Variants in AFF3 observed in about 807,000 individuals in gnomAD.
AFF3 encodes the protein ALF transcription elongation factor 3.
AFF3 carries 32 observed loss-of-function variants against 129.7 expected under a neutral mutation model. The observed-to-expected ratio is 0.25, with a 90% CI of 0.19 to 0.33. The LOEUF (loss-of-function observed/expected upper bound fraction) is 0.33. AFF3 is among the 10% of genes least tolerant of loss of function. The pLI is 1.00. For synonymous variants in AFF3, 644 were observed against 635.4 expected (o/e 1.01, Z -0.20); for missense variants, 1,373 against 1,592.0 (o/e 0.86, Z 2.34).
At chr2:99,867,010 A>G (rs1158522914) in intron 7 of AFF3, among the ~76,000 whole-genome samples, 1 of 146,586 alleles carries the variant, frequency 6.8e-6, no homozygotes, top group Non-Finnish European at 1.5e-5. Context: ...TAAAAAATAA[A>G]TAAAATAAAA....
At chr2:99,610,463 C>T (rs993113643) in intron 13 of AFF3, among the ~76,000 whole-genome samples, 16 of 152,162 alleles carry the variant, frequency 1.1e-4, no homozygotes, top group South Asian at 2.1e-4. Flanking sequence ...TTTTTTCAGT[C>T]GACACAATGT....
intron 1 of AFF3, among the ~76,000 whole-genome samples, chr2:100,130,501 T>G (rs201829119): frequency 6.6e-6 from 1 of 152,342 alleles, no homozygotes; most frequent in South Asian, 2.1e-4. Context: ...AAGAGAAGTG[T>G]GGGCTGGATT....
chr2:99,756,996 G>A (rs891274748), intron 8 of AFF3, among the ~76,000 whole-genome samples: 1 of 152,180 alleles, frequency 6.6e-6, no homozygotes, highest in Admixed American at 6.5e-5. Flanking sequence ...TTCCTTGAAT[G>A]CTCATTTCCC....
intron 13 of AFF3, among the ~76,000 whole-genome samples, chr2:99,603,105 C>A (rs990727233): frequency 3.9e-5 from 6 of 152,214 alleles, no homozygotes; most frequent in Non-Finnish European, 5.9e-5. Context: ...CTTGCCTGAG[C>A]TGCAGCGATT....
rs190399328 is a variant in AFF3, at chr2:100,064,085, G to A, written c.53+40317C>T. On this transcript the variant is annotated intron_variant, in intron 4 of 24. Transcript: ENST00000672756. ...GCCTGGGCAACAAGAACAAAACTCCGTCTCAAAAAAAAAAGAAAAGAAAAG... is the reference window on the plus strand; with the variant it reads ...GCCTGGGCAACAAGAACAAAACTCCATCTCAAAAAAAAAAGAAAAGAAAAG... Among the ~76,000 whole-genome samples, 439 of 140,440 alleles carry A rather than the reference G, an allele frequency of 3.1e-3. 2 individuals carry two copies. Among genetic ancestry groups the A allele is most frequent in the East Asian group, 0.027 (130 of 4,872 alleles). The allele number at this position is 140,440 out of a possible 152,430, so 92.1% of individuals were successfully genotyped here. A position where few individuals can be genotyped will look rare whatever the true frequency, so the allele number is the denominator to read the frequency against.
intron 4 of AFF3, among the ~76,000 whole-genome samples, chr2:100,014,994 CAG>C (rs1318295088): frequency 7.5e-6 from 1 of 133,306 alleles, no homozygotes; most frequent in Admixed American, 8.5e-5. Flanking sequence ...TTAGTAGAGA[CAG>C]GGTTTCAGGA....
At chr2:99,685,869 G>A (rs531262835) in intron 11 of AFF3, among the ~76,000 whole-genome samples, 2 of 152,248 alleles carry the variant, frequency 1.3e-5, no homozygotes, top group African/African-American at 4.8e-5. Flanking sequence ...CACTGATGGA[G>A]GACAGGAGAG....
At chr2:99,975,616 G>C (rs1200303661) in intron 7 of AFF3, among the ~76,000 whole-genome samples, 1 of 152,008 alleles carries the variant, frequency 6.6e-6, no homozygotes, top group Non-Finnish European at 1.5e-5. Context: ...GGAGGCAGGA[G>C]GCATTTTCAT....
intron 13 of AFF3, among the ~76,000 whole-genome samples, chr2:99,645,655 A>G (rs1182462001): frequency 1.3e-5 from 2 of 152,300 alleles, no homozygotes; most frequent in Non-Finnish European, 1.5e-5. Context: ...GGGGTGAACC[A>G]TAAATTAAGT....
chr2:100,056,054 GTC>G (rs57491016), intron 4 of AFF3, among the ~76,000 whole-genome samples: 15,840 of 135,326 alleles, frequency 0.12, 1,087 homozygotes, highest in South Asian at 0.16. Flanking sequence ...AAAAATCGCT[GTC>G]TCTCTCTCAC....
intron 15 of AFF3, 88 bp from the exon 16 acceptor site, chr2:99,587,366 TCCTGGGAGC>T: frequency 6.6e-7 from 1 of 1,516,302 alleles, no homozygotes; most frequent in South Asian, 1.3e-5. Flanking sequence ...GAGCAAGGCC[TCCTGGGAGC>T]CCCACTCACC....
intron 4 of AFF3, among the ~76,000 whole-genome samples, chr2:100,022,577 A>T (rs1342828431): frequency 1.3e-5 from 2 of 151,472 alleles, no homozygotes; most frequent in Non-Finnish European, 2.9e-5. Context: ...TGCCTGGCCA[A>T]TTTTTTTTAT....
At chr2:99,697,633 C>A (rs746856378) in intron 11 of AFF3, among the ~76,000 whole-genome samples, 5 of 152,206 alleles carry the variant, frequency 3.3e-5, no homozygotes, top group Non-Finnish European at 5.9e-5. Context: ...GAAAATAGAT[C>A]CTGGTAAGGA....
At chr2:99,973,924 G>A (rs1367035421) in intron 7 of AFF3, among the ~76,000 whole-genome samples, 1 of 152,122 alleles carries the variant, frequency 6.6e-6, no homozygotes, top group Non-Finnish European at 1.5e-5. Context: ...TGAGCCAGAA[G>A]TCAGAGCACC....
chr2:99,721,266 C>T (rs1678862463), intron 11 of AFF3, among the ~76,000 whole-genome samples: 2 of 152,134 alleles, frequency 1.3e-5, no homozygotes, highest in Non-Finnish European at 2.9e-5. Flanking sequence ...TGTGGTGGCT[C>T]ATGCCTGTAA....
At chr2:99,744,824 G>A (rs896046705) in intron 9 of AFF3, among the ~76,000 whole-genome samples, 1 of 152,100 alleles carries the variant, frequency 6.6e-6, no homozygotes. Context: ...TTTGGATATT[G>A]TAAATAATAC....
intron 7 of AFF3, among the ~76,000 whole-genome samples, chr2:99,863,128 C>T (rs1691123323): frequency 6.6e-6 from 1 of 152,196 alleles, no homozygotes; most frequent in Non-Finnish European, 1.5e-5. Context: ...TTCCTTATGG[C>T]CATTGATTTT....
intron 1 of AFF3, among the ~76,000 whole-genome samples, chr2:100,132,623 G>A (rs78775945): frequency 0.012 from 1,818 of 152,280 alleles, 39 homozygotes; most frequent in African/African-American, 0.042. Context: ...GTATAAGGCA[G>A]TATACATACA....
rs1691056602 is a variant in AFF3 at position 100,104,487 on chromosome 2, C to T, written c.-33G>A. The T allele has an allele frequency of 1.5e-6, 2 of 1,301,546 alleles. No homozygotes were observed. The highest frequency in any genetic ancestry group is 1.6e-5 in the African/African-American group (1 of 62,624). 80.6% of individuals were successfully genotyped at this position (1,301,546 alleles called of 1,614,324 possible). ...GGTGTCAGCGTCGCCGCCGCCGCTA[C>T]CGCCGCCGCCGAGGCTCGGGCCGCC... is the stretch of plus-strand genomic sequence containing the variant. On this transcript the variant is annotated 5_prime_UTR_variant, in exon 4 of 25. Transcript: ENST00000672756.
Sources: gnomAD v4.1 joint callset for allele counts (sites outside exome capture counted in the v4.1 genomes callset) on GRCh38, gnomAD v4.1.1 for gene constraint, MANE v1.5 for transcripts, NCBI Gene and HGNC (gene_info 2026-07-23, HGNC 2026-07-21) for gene names.